The following ATL1 variants were observed in gnomAD, a reference collection of about 807,000 sequenced individuals.
ATL1 encodes atlastin-1.
Under a neutral mutation model 75.5 loss-of-function variants are expected in ATL1, and 31 were observed. That is an observed-to-expected ratio of 0.41 (90% CI 0.31 to 0.55). The LOEUF is 0.55. Among genes scored for constraint, ATL1 ranks in the 20% least tolerant of loss-of-function variants. The pLI is 0.27. For synonymous variants in ATL1, 226 were observed against 233.3 expected (o/e 0.97, Z 0.28); for missense variants, 405 against 662.6 (o/e 0.61, Z 4.27).
chr14:50,573,008 G>T (rs2038968164), intron 1 of ATL1, among the ~76,000 whole-genome samples: 1 of 152,098 alleles, frequency 6.6e-6, no homozygotes. Flanking sequence ...AGAGCTAATG[G>T]GGTAAAAGCC....
chr14:50,535,969 TG>T (rs1314131359), intron 1 of ATL1, among the ~76,000 whole-genome samples: 4 of 152,346 alleles, frequency 2.6e-5, no homozygotes, highest in African/African-American at 9.6e-5. Context: ...GGAGTTCCCC[TG>T]CACAAGCTCC....
chr14:50,621,346 A>G (rs2039465174), intron 9 of ATL1, among the ~76,000 whole-genome samples: 1 of 152,208 alleles, frequency 6.6e-6, no homozygotes, highest in South Asian at 2.1e-4. Flanking sequence ...GTCATTTAAT[A>G]TGCTATCATA....
At chr14:50,580,128 G>C (rs1566720511) in intron 1 of ATL1, among the ~76,000 whole-genome samples, 1 of 152,040 alleles carries the variant, frequency 6.6e-6, no homozygotes. Flanking sequence ...TTTTCTCTAT[G>C]TCTTTAGAGT....
chr14:50,610,985 A>G (rs1383485672), intron 6 of ATL1, among the ~76,000 whole-genome samples: 1 of 152,078 alleles, frequency 6.6e-6, no homozygotes, highest in African/African-American at 2.4e-5. Context: ...CCCTCTGACC[A>G]CAGTGATTAT....
intron 1 of ATL1, among the ~76,000 whole-genome samples, chr14:50,544,360 T>TC (rs2038601835): frequency 6.6e-6 from 1 of 152,210 alleles, no homozygotes; most frequent in African/African-American, 2.4e-5. Flanking sequence ...AGTGGCTATG[T>TC]CCATCAGGGG....
At chr14:50,561,523 G>A (rs891552176) in intron 1 of ATL1, among the ~76,000 whole-genome samples, 3 of 152,276 alleles carry the variant, frequency 2.0e-5, no homozygotes, top group Non-Finnish European at 4.4e-5. Context: ...TTATTTGAGC[G>A]AGAGGCACAA....
intron 8 of ATL1, among the ~76,000 whole-genome samples, chr14:50,618,812 C>G (rs1335978824): frequency 6.6e-6 from 1 of 151,622 alleles, no homozygotes; most frequent in Non-Finnish European, 1.5e-5. Context: ...CTGGACAGAT[C>G]TTGCTTTTTT....
Position 50,632,333 on chromosome 14 carries a change from A to C in ATL1, c.1671A>C (p.Lys557Asn). ...CTACTGAACAATCAGAAAAGAAAAA[A>C]ATGTAATGCAAATTTTAAGAAATAC... The part of the protein sequence containing the change: ...SESTEQSEKK[K>N]M The change falls in exon 14 of 14, where the codon AAA becomes AAC. Residue 557 changes from lysine (K) to asparagine (N), a missense_variant. Around this residue, in one of 5 missense-constraint regions of ATL1, gnomAD observed 163 missense variants for 244.1 expected, o/e 0.67. Coordinates refer to ENST00000358385, the MANE Select transcript of ATL1 (RefSeq NM_015915.5). 1.9e-6 allele frequency: 3 copies of C among 1,601,096 alleles called. No homozygotes were observed. The highest frequency in any genetic ancestry group is 2.6e-6 in the Non-Finnish European group (3 of 1,168,428).
intron 11 of ATL1, among the ~76,000 whole-genome samples, chr14:50,623,709 T>A (rs1278895346): frequency 6.6e-6 from 1 of 152,136 alleles, no homozygotes; most frequent in African/African-American, 2.4e-5. Context: ...ATCTAATAAT[T>A]ATTGTGTATA....
chr14:50,626,430 A>C, intron 11 of ATL1, among the ~76,000 whole-genome samples: 1 of 152,224 alleles, frequency 6.6e-6, no homozygotes. Flanking sequence ...GGAGGAAGGA[A>C]GTGCATGTGT....
chr14:50,552,319 G>A (rs2038712614), intron 1 of ATL1, among the ~76,000 whole-genome samples: 1 of 152,148 alleles, frequency 6.6e-6, no homozygotes, highest in African/African-American at 2.4e-5. Flanking sequence ...CCAAGGAGGT[G>A]AGAGTTCTCT....
At chr14:50,557,357 T>C (rs76111158), upstream of ATL1, among the ~76,000 whole-genome samples, 1,222 of 152,310 alleles carry the variant, frequency 8.0e-3, 9 homozygotes, top group African/African-American at 0.027. Context: ...ACCAATCTCA[T>C]TGGTTTCTGG....
chr14:50,588,835 A>G (rs958058832), intron 2 of ATL1, among the ~76,000 whole-genome samples: 5 of 152,208 alleles, frequency 3.3e-5, no homozygotes, highest in Non-Finnish European at 7.3e-5. Flanking sequence ...ACTCAGAGTG[A>G]ATGTTATGGA....
intron 1 of ATL1, among the ~76,000 whole-genome samples, chr14:50,569,618 A>G (rs916227216): frequency 6.6e-6 from 1 of 152,116 alleles, no homozygotes; most frequent in Admixed American, 6.6e-5. Context: ...ATGATTGCCC[A>G]TGTATTTACC....
chr14:50,622,102 T>G (rs2039472534), intron 10 of ATL1, among the ~76,000 whole-genome samples: 1 of 152,242 alleles, frequency 6.6e-6, no homozygotes, highest in Non-Finnish European at 1.5e-5. Flanking sequence ...CACAAACACT[T>G]TATACCAAAG....
chr14:50,560,346 C>A (rs1488157011), intron 1 of ATL1, 47 bp downstream of exon 1: 3 of 1,605,756 alleles, frequency 1.9e-6, no homozygotes, highest in African/African-American at 1.3e-5. Flanking sequence ...GGTCTTCTGG[C>A]CCTCCACTTT....
At chr14:50,537,361 G>A (rs2038507231) in intron 1 of ATL1, among the ~76,000 whole-genome samples, 1 of 152,234 alleles carries the variant, frequency 6.6e-6, no homozygotes, top group African/African-American at 2.4e-5. Context: ...TGGATGTCCA[G>A]GCAGAAGTTT....
At chr14:50,563,919 G>A (rs191328152) in intron 1 of ATL1, among the ~76,000 whole-genome samples, 1 of 152,176 alleles carries the variant, frequency 6.6e-6, no homozygotes, top group East Asian at 1.9e-4. Context: ...GATTCAGAGA[G>A]CATAAATGAC....
rs576273850 is a variant in ATL1, at chr14:50,562,170, G to A, written c.34+1871G>A. Among the ~76,000 whole-genome samples, 41 of 151,862 alleles carry A rather than the reference G, an allele frequency of 2.7e-4. No homozygotes were observed. The South Asian group carries it at 5.0e-3, about 19-fold the overall frequency. On this transcript the variant is annotated intron_variant, in intron 1 of 13. Transcript: ENST00000358385. ...CGCCATTCTCCTGCCTCAACCTCCC[G>A]AGCAGCTGGGACTACAGGCGCCTGC...
Sources: gnomAD v4.1 joint callset for allele counts (sites outside exome capture counted in the v4.1 genomes callset) on GRCh38, gnomAD v4.1.1 for gene constraint, gnomAD v4.1.1 regional missense constraint, MANE v1.5 for transcripts, NCBI Gene and HGNC (gene_info 2026-07-23, HGNC 2026-07-21) for gene names.